The following RBFOX1 variants were observed in gnomAD, a reference collection of about 807,000 sequenced individuals.
The protein encoded by RBFOX1 is RNA binding protein fox-1 homolog 1.
RBFOX1 carries 8 observed loss-of-function variants against 57.7 expected under a neutral mutation model. The observed-to-expected ratio is 0.14, with a 90% CI of 0.08 to 0.25. The LOEUF is 0.25. Among genes scored for constraint, RBFOX1 ranks in the 10% least tolerant of loss-of-function variants. The pLI, the probability that RBFOX1 is intolerant of heterozygous loss-of-function variation, is 1.00. For missense variants in RBFOX1, 611 were observed against 548.5 expected (o/e 1.11, Z -1.14); for synonymous variants, 326 against 222.4 (o/e 1.47, Z -4.15).
chr16:6,832,743 T>C (rs1325935975), intron 3 of RBFOX1, among the ~76,000 whole-genome samples: 2 of 152,236 alleles, frequency 1.3e-5, no homozygotes, highest in Admixed American at 1.3e-4. Context: ...TTTGCAGCTC[T>C]CTGTAACTGT....
intron 1 of RBFOX1, among the ~76,000 whole-genome samples, chr16:5,276,071 C>A (rs2063133430): frequency 6.6e-6 from 1 of 152,150 alleles, no homozygotes; most frequent in Admixed American, 6.5e-5. Flanking sequence ...AGGTCTGAAA[C>A]CATAAAAATT....
chr16:7,705,918 C>T (rs542405392), intron 14 of RBFOX1, among the ~76,000 whole-genome samples: 1 of 152,188 alleles, frequency 6.6e-6, no homozygotes, highest in Non-Finnish European at 1.5e-5. Context: ...GATCTGACTG[C>T]ACTACTGCCC....
intron 1 of RBFOX1, among the ~76,000 whole-genome samples, chr16:6,229,642 T>C (rs1053376295): frequency 2.6e-5 from 4 of 151,994 alleles, no homozygotes; most frequent in African/African-American, 9.7e-5. Flanking sequence ...TTAGTATGCA[T>C]ATAAATTTAA....
Position 6,808,160 on chromosome 16 carries a change from A to ATGTGTGTGTGTGTGTGTG in RBFOX1, c.-16+153512_-16+153529dup, listed in dbSNP as rs373756020. Among the ~76,000 whole-genome samples the ATGTGTGTGTGTGTGTGTG allele has an allele frequency of 1.1e-3, 160 of 140,088 alleles. 1 individual carries two copies. Among genetic ancestry groups the ATGTGTGTGTGTGTGTGTG allele is most frequent in the African/African-American group, 4.2e-3 (152 of 36,548 alleles). The allele number at this position is 140,088 out of a possible 152,430, so 91.9% of individuals were successfully genotyped here. On this transcript the variant is annotated intron_variant, in intron 3 of 15. Transcript: ENST00000550418. Reference sequence around the variant, plus strand: ...ATAATATGCATATTATACCTTATATATGTGTGTGTGTGTGTGTGTATATAT... The same window carrying ATGTGTGTGTGTGTGTGTG: ...ATAATATGCATATTATACCTTATATATGTGTGTGTGTGTGTGTGTGTGTGTGTGTGTGTGTGTATATAT...
At chr16:5,645,277 A>AAC (rs201892838) in intron 3 of RBFOX1, among the ~76,000 whole-genome samples, 1,369 of 23,994 alleles carry the variant, frequency 0.057, 19 homozygotes, top group Middle Eastern at 0.25. Context: ...AACAAAAACA[A>AAC]AAAAAAAAAC....
chr16:5,923,439 C>A (rs2058871605), intron 4 of RBFOX1, among the ~76,000 whole-genome samples: 1 of 150,984 alleles, frequency 6.6e-6, no homozygotes, highest in African/African-American at 2.4e-5. Context: ...AGGACAGGGG[C>A]ACATGGGATT....
intron 1 of RBFOX1, among the ~76,000 whole-genome samples, chr16:6,029,759 C>G (rs11866917): frequency 3.6e-5 from 4 of 112,332 alleles, no homozygotes; most frequent in African/African-American, 6.5e-5. Flanking sequence ...GGCGACAGAT[C>G]GAGACTCCGT....
chr16:7,649,316 C>A (rs1666092807), intron 11 of RBFOX1, among the ~76,000 whole-genome samples: 2 of 152,034 alleles, frequency 1.3e-5, no homozygotes, highest in Non-Finnish European at 2.9e-5. Flanking sequence ...TCAATATTAT[C>A]TTTAAAGCAA....
chr16:7,373,028 C>G (rs2097598442), intron 4 of RBFOX1, among the ~76,000 whole-genome samples: 1 of 151,618 alleles, frequency 6.6e-6, no homozygotes, highest in African/African-American at 2.4e-5. Context: ...GTCTCCCAGG[C>G]TGTAGCCATT....
chr16:6,232,622 T>C (rs62015085), intron 1 of RBFOX1, among the ~76,000 whole-genome samples: 29,928 of 152,170 alleles, frequency 0.2, 3,730 homozygotes, highest in East Asian at 0.45. Flanking sequence ...ATTTCTATAG[T>C]GTGAGCTTTA....
Position 6,870,837 on chromosome 16 carries a change from T to G in RBFOX1, c.-15-181220T>G, listed in dbSNP as rs1171287233. On this transcript the variant is annotated intron_variant, in intron 3 of 15. Coordinates refer to ENST00000550418, the MANE Select transcript of RBFOX1 (RefSeq NM_018723.4). ...TCAGATTCTTATGACTTCTTGTCGC[T>G]CTGAGATTTACAGTCACTAATAAAA... 1.3e-5 allele frequency among the ~76,000 whole-genome samples: 2 copies of G among 152,212 alleles called. 1 individual carries two copies. The highest frequency in any genetic ancestry group is 2.9e-5 in the Non-Finnish European group (2 of 68,040).
intron 3 of RBFOX1, among the ~76,000 whole-genome samples, chr16:6,853,980 A>G (rs147452023): frequency 1.3e-4 from 20 of 152,308 alleles, no homozygotes; most frequent in African/African-American, 4.8e-4. Context: ...CATCTCCGTA[A>G]TGAGCTATTA....
At chr16:7,535,154 G>T (rs1354126946) in intron 5 of RBFOX1, among the ~76,000 whole-genome samples, 1 of 152,112 alleles carries the variant, frequency 6.6e-6, no homozygotes, top group Non-Finnish European at 1.5e-5. Context: ...CCTTAAATGT[G>T]ATATTCCTCA....
intron 2 of RBFOX1, among the ~76,000 whole-genome samples, chr16:6,585,907 A>G (rs2097606068): frequency 6.6e-6 from 1 of 152,190 alleles, no homozygotes; most frequent in South Asian, 2.1e-4. Context: ...TGTAGTAGAG[A>G]TCATACGCAA....
At chr16:6,855,373 C>T (rs1006683206) in intron 3 of RBFOX1, among the ~76,000 whole-genome samples, 5 of 151,782 alleles carry the variant, frequency 3.3e-5, no homozygotes, top group African/African-American at 7.3e-5. Flanking sequence ...AGATCTTGGC[C>T]GGGCGCAGTG....
chr16:6,001,407 T>G (rs1039832801), intron 4 of RBFOX1, among the ~76,000 whole-genome samples: 1 of 152,194 alleles, frequency 6.6e-6, no homozygotes, highest in Non-Finnish European at 1.5e-5. Flanking sequence ...CAATGTAATA[T>G]TTTACAAGTG....
intron 2 of RBFOX1, among the ~76,000 whole-genome samples, chr16:6,359,234 G>A (rs1352197206): frequency 8.6e-5 from 13 of 152,032 alleles, no homozygotes; most frequent in African/African-American, 2.7e-4. Flanking sequence ...CTGGGATGAC[G>A]GGTGTGTACC....
chr16:6,854,022 G>A (rs1282445946), intron 3 of RBFOX1, among the ~76,000 whole-genome samples: 2 of 152,124 alleles, frequency 1.3e-5, no homozygotes, highest in Non-Finnish European at 2.9e-5. Context: ...AAAGGTAGAA[G>A]GAAGGACAGA....
chr16:6,694,418 T>A (rs548860718), intron 3 of RBFOX1, among the ~76,000 whole-genome samples: 1 of 152,334 alleles, frequency 6.6e-6, no homozygotes, highest in East Asian at 1.9e-4. Context: ...AAAAAACTGG[T>A]TGGTCTTACC....
Sources: gnomAD v4.1 joint callset for allele counts (sites outside exome capture counted in the v4.1 genomes callset) on GRCh38, gnomAD v4.1.1 for gene constraint, MANE v1.5 for transcripts, NCBI Gene and HGNC (gene_info 2026-07-23, HGNC 2026-07-21) for gene names.